The following ORC5 variants were observed in gnomAD, a reference collection of about 807,000 sequenced individuals.
ORC5 encodes protein phosphatase 1, regulatory subunit 117.
Under a neutral mutation model 58.8 loss-of-function variants are expected in ORC5, and 39 were observed. That is an observed-to-expected ratio of 0.66 (90% CI 0.51 to 0.87). ORC5 has a LOEUF of 0.87. Among genes scored for constraint, ORC5 ranks in the 40% least tolerant of loss-of-function variants. The pLI is 0.00. For synonymous variants in ORC5, 218 were observed against 177.6 expected, an observed-to-expected ratio of 1.23 and a Z score of -1.81; for missense variants, 493 against 506.3, an observed-to-expected ratio of 0.97 and a Z score of 0.25.
chr7:104,176,215 C>T (rs2115928981), intron 8 of ORC5, among the ~76,000 whole-genome samples: 1 of 152,098 alleles, frequency 6.6e-6, no homozygotes, highest in East Asian at 1.9e-4. Flanking sequence ...TCCAGAAATC[C>T]CTTAGGGCAT....
At position 104,200,975 on chromosome 7, in the gene ORC5, A is replaced by C. The variant is rs1262102014; in HGVS notation, c.166-17T>G. 1.3e-6 allele frequency: 2 copies of C among 1,596,852 alleles called. No homozygotes were observed. Among genetic ancestry groups the C allele is most frequent in the Admixed American group, 3.4e-5 (2 of 59,406 alleles). On this transcript the variant is annotated splice_polypyrimidine_tract_variant and intron_variant, in intron 2 of 13. Transcript: ENST00000297431. ...ATGTGGGAGCTGAAAACGAAAACCA[A>C]AACACTGTAAGTAAAGAAGAAAACA...
chr7:104,126,719 T>A lies in ORC5; in HGVS notation c.*129A>T, dbSNP rs1322114197. 1 of 640,282 alleles carries A rather than the reference T, an allele frequency of 1.6e-6. No individual in the cohort carries two copies. Among genetic ancestry groups the A allele is most frequent in the Non-Finnish European group, 2.7e-6 (1 of 364,948 alleles). 39.7% of individuals were successfully genotyped at this position (640,282 alleles called of 1,614,324 possible). A position where few individuals can be genotyped will look rare whatever the true frequency, so the allele number is the denominator to read the frequency against. On this transcript the variant is annotated 3_prime_UTR_variant, in exon 14 of 14. Coordinates refer to ENST00000297431, the MANE Select transcript of ORC5 (RefSeq NM_002553.4). ...AGAATATTTTCATCAGATTCCATGC[T>A]GGGCCAGCACCTGTTTGGACAAATC...
At chr7:104,173,873 C>T (rs1799265217) in intron 8 of ORC5, among the ~76,000 whole-genome samples, 1 of 121,914 alleles carries the variant, frequency 8.2e-6, no homozygotes, top group Admixed American at 9.3e-5. Flanking sequence ...GAGACGGAGT[C>T]TCGCTCTGTC....
chr7:104,191,082 ACT>A (rs1180121802), intron 5 of ORC5, among the ~76,000 whole-genome samples: 1 of 149,324 alleles, frequency 6.7e-6, no homozygotes, highest in African/African-American at 2.5e-5. Flanking sequence ...TAGATGAGAC[ACT>A]GTTACTGAAT....
chr7:104,207,734 G>T, intron 1 of ORC5, 99 bp downstream of exon 1: 1 of 1,131,340 alleles, frequency 8.8e-7, no homozygotes, highest in Non-Finnish European at 1.3e-6. Context: ...ACGGCCTTTT[G>T]GCCCTCAATC....
intron 8 of ORC5, among the ~76,000 whole-genome samples, chr7:104,178,317 G>A (rs997392217): frequency 1.1e-4 from 17 of 152,306 alleles, no homozygotes; most frequent in African/African-American, 4.1e-4. Flanking sequence ...CTAATGACCA[G>A]TGCTGATGAG....
intron 6 of ORC5, chr7:104,187,822 C>CA: frequency 3.0e-6 from 3 of 986,434 alleles, no homozygotes; most frequent in Non-Finnish European, 3.6e-6. Flanking sequence ...TACTCAAATC[C>CA]ATCTAGATTC....
In ORC5 at chr7:104,174,020, A is replaced by AT. The variant is rs1584503762; in HGVS notation, c.825-5496dup. ...CCACTACGCCCGGCTAATTTTTTGT[A>AT]TTTTTAGTAGAGACGGGGTTTCACC... On this transcript the variant is annotated intron_variant, in intron 8 of 13. Coordinates refer to ENST00000297431, the MANE Select transcript of ORC5 (RefSeq NM_002553.4). Among the ~76,000 whole-genome samples the AT allele has an allele frequency of 2.0e-5, 3 of 149,692 alleles. No homozygotes were observed. The East Asian group carries it at 5.9e-4, about 29-fold the overall frequency.
intron 2 of ORC5, among the ~76,000 whole-genome samples, chr7:104,201,818 G>C (rs942870583): frequency 6.6e-6 from 1 of 152,058 alleles, no homozygotes; most frequent in African/African-American, 2.4e-5. Flanking sequence ...CTCTTTGCTA[G>C]GCATATGGCT....
At chr7:104,176,740 T>G (rs541895886) in intron 8 of ORC5, among the ~76,000 whole-genome samples, 2 of 152,274 alleles carry the variant, frequency 1.3e-5, no homozygotes, top group South Asian at 4.1e-4. Context: ...TTTTTAAATA[T>G]AAAAATAAAT....
chr7:104,199,270 A>G (rs1046383751), intron 3 of ORC5, among the ~76,000 whole-genome samples: 1 of 152,232 alleles, frequency 6.6e-6, no homozygotes, highest in Non-Finnish European at 1.5e-5. Context: ...GTGTGCATGG[A>G]AAAGCCACAG....
rs999648715 is a variant in ORC5 at position 104,200,917 on chromosome 7, C to G, written c.207G>C (p.Leu69Phe). The G allele has an allele frequency of 8.1e-5, 130 of 1,613,472 alleles. No individual in the cohort carries two copies. The highest frequency in any genetic ancestry group is 1.1e-4 in the Non-Finnish European group (129 of 1,179,654). The change falls in exon 3 of 14, where the codon TTG becomes TTC. Residue 69 changes from leucine to phenylalanine, a missense_variant. Physicochemically the swap from Leu to Phe is conservative, Grantham distance 22. Around this residue, in one of 3 missense-constraint regions of ORC5, gnomAD observed 412 missense variants for 403.7 expected, o/e 1.02. Coordinates refer to ENST00000297431, the MANE Select transcript of ORC5 (RefSeq NM_002553.4). ...VFVNCVECFT[L>F]RLLLEQILNK... is the part of the protein sequence containing the mutation. ...TTAAAATTTGTTCCAAAAGCAGCCT[C>G]AATGTAAAGCATTCAACACAATTCA...
intron 12 of ORC5, among the ~76,000 whole-genome samples, chr7:104,147,821 T>A (rs1053818742): frequency 6.6e-6 from 1 of 152,174 alleles, no homozygotes; most frequent in Non-Finnish European, 1.5e-5. Flanking sequence ...ACATTGGGTG[T>A]TGATGATTAG....
intron 4 of ORC5, among the ~76,000 whole-genome samples, chr7:104,196,523 G>A (rs551101201): frequency 1.3e-5 from 2 of 152,116 alleles, no homozygotes; most frequent in East Asian, 3.9e-4. Context: ...TATACCTCTC[G>A]TCCCTCAACT....
intron 1 of ORC5, among the ~76,000 whole-genome samples, chr7:104,205,913 T>C (rs1010912868): frequency 1.3e-5 from 2 of 152,078 alleles, no homozygotes; most frequent in African/African-American, 4.8e-5. Context: ...GAGGCTGAGG[T>C]GGGCGGACTG....
chr7:104,185,400 G>T (rs571838540), intron 6 of ORC5, among the ~76,000 whole-genome samples: 8 of 151,978 alleles, frequency 5.3e-5, no homozygotes, highest in Non-Finnish European at 1.2e-4. Flanking sequence ...GTTCTTTTAG[G>T]TTATATTTAT....
Position 104,207,997 on chromosome 7 carries a change from C to A in ORC5, c.-93G>T. The A allele has an allele frequency of 1.6e-6, 2 of 1,214,522 alleles. No homozygotes were observed. The highest frequency in any genetic ancestry group is 4.8e-5 in the East Asian group (2 of 41,550). The allele number at this position is 1,214,522 out of a possible 1,614,324, so 75.2% of individuals were successfully genotyped here. A position where few individuals can be genotyped will look rare whatever the true frequency, so the allele number is the denominator to read the frequency against. ...TCCCGAGTCTGGCGGCCCACGCTCC[C>A]GCCGGAAACCGGACCCGCAGCGTCG... is the stretch of plus-strand genomic sequence containing the variant. On this transcript the variant is annotated 5_prime_UTR_variant, in exon 1 of 14. Transcript: ENST00000297431.
chr7:104,157,372 T>C (rs775544560), intron 12 of ORC5, among the ~76,000 whole-genome samples: 4 of 152,040 alleles, frequency 2.6e-5, no homozygotes, highest in Non-Finnish European at 5.9e-5. Context: ...CCTAAATGAC[T>C]TGCTATTAAA....
chr7:104,174,990 A>G (rs1314657565), intron 8 of ORC5, among the ~76,000 whole-genome samples: 2 of 152,172 alleles, frequency 1.3e-5, no homozygotes, highest in Non-Finnish European at 2.9e-5. Context: ...TCTAAGTAAA[A>G]GGTCAATGGG....
Sources: gnomAD v4.1 joint callset for allele counts (sites outside exome capture counted in the v4.1 genomes callset) on GRCh38, gnomAD v4.1.1 for gene constraint, gnomAD v4.1.1 regional missense constraint, MANE v1.5 for transcripts, NCBI Gene and HGNC (gene_info 2026-07-23, HGNC 2026-07-21) for gene names.